The following DLG2 variants were observed in gnomAD, a reference collection of about 807,000 sequenced individuals.
DLG2 encodes discs large MAGUK scaffold protein 2.
Under a neutral mutation model 132.5 loss-of-function variants are expected in DLG2, and 45 were observed. The ratio of observed to expected loss-of-function variants is 0.34; its 90% CI spans 0.27 to 0.44. The LOEUF (loss-of-function observed/expected upper bound fraction) is 0.44, where lower values mean the gene tolerates loss of function less well. DLG2 is among the 20% of genes least tolerant of loss of function. DLG2 has a pLI of 1.00. For missense variants in DLG2, 1,045 were observed against 1,196.9 expected (o/e 0.87, Z 1.87); for synonymous variants, 424 against 419.6 (o/e 1.01, Z -0.13).
In DLG2 at chr11:85,380,038, A is replaced by G. The variant is rs1181691153; in HGVS notation, c.41-94673T>C. Among the ~76,000 whole-genome samples the G allele has an allele frequency of 3.3e-5, 5 of 152,250 alleles. No homozygotes were observed. In the East Asian group the frequency reaches 9.7e-4, roughly 29 times the overall value. On this transcript the variant is annotated intron_variant, in intron 3 of 27. Coordinates refer to ENST00000376104, the MANE Select transcript of DLG2 (RefSeq NM_001142699.3). ...ACAAAATATAAAAGTACTACGTTTG[A>G]TTTTCCACAAAATATTGCCCCCAAG...
At chr11:84,659,242 AT>A (rs72230391) in intron 6 of DLG2, among the ~76,000 whole-genome samples, 3 of 151,838 alleles carry the variant, frequency 2.0e-5, no homozygotes, top group Non-Finnish European at 2.9e-5. Context: ...GGAGCTTTGT[AT>A]TTTTTTTCAA....
chr11:84,674,783 C>T (rs949358549), intron 6 of DLG2, among the ~76,000 whole-genome samples: 1 of 152,120 alleles, frequency 6.6e-6, no homozygotes, highest in African/African-American at 2.4e-5. Flanking sequence ...TATGTACTTA[C>T]TACTTTTGCG....
chr11:84,759,758 T>C (rs2067356212), intron 6 of DLG2, among the ~76,000 whole-genome samples: 1 of 152,184 alleles, frequency 6.6e-6, no homozygotes, highest in South Asian at 2.1e-4. Flanking sequence ...TGTCTTCATA[T>C]GCTACTGGGT....
chr11:84,644,971 C>G (rs765607148), intron 6 of DLG2, among the ~76,000 whole-genome samples: 1 of 152,128 alleles, frequency 6.6e-6, no homozygotes, highest in Non-Finnish European at 1.5e-5. Context: ...ATAGAAAATT[C>G]ATACTGCAGC....
chr11:83,862,734 CAGAG>C (rs964882658), intron 16 of DLG2, among the ~76,000 whole-genome samples: 8 of 152,088 alleles, frequency 5.3e-5, no homozygotes, highest in African/African-American at 1.9e-4. Flanking sequence ...TGTACAACTA[CAGAG>C]AGAGAGAAAG....
chr11:84,848,978 A>T (rs2081855571), intron 6 of DLG2, among the ~76,000 whole-genome samples: 1 of 152,232 alleles, frequency 6.6e-6, no homozygotes, highest in South Asian at 2.1e-4. Context: ...CTATGCCTTA[A>T]GAAGGCCTGA....
At chr11:84,222,263 C>T (rs553008738) in intron 8 of DLG2, among the ~76,000 whole-genome samples, 19 of 152,276 alleles carry the variant, frequency 1.2e-4, no homozygotes, top group Middle Eastern at 3.4e-3. Flanking sequence ...AACTCCTGTC[C>T]TCAGGTGATC....
At chr11:83,841,134 G>A (rs1216335710) in intron 16 of DLG2, among the ~76,000 whole-genome samples, 5 of 152,154 alleles carry the variant, frequency 3.3e-5, no homozygotes, top group African/African-American at 1.2e-4. Context: ...GTGGCCCCCA[G>A]TGAGATCATA....
intron 7 of DLG2, among the ~76,000 whole-genome samples, chr11:84,394,630 CTTTTT>C (rs1174648097): frequency 6.6e-6 from 1 of 151,730 alleles, no homozygotes; most frequent in Non-Finnish European, 1.5e-5. Flanking sequence ...CTTACTTTTT[CTTTTT>C]TTTATTTTAT....
intron 6 of DLG2, among the ~76,000 whole-genome samples, chr11:84,949,407 C>G (rs1227000518): frequency 6.6e-6 from 1 of 152,052 alleles, no homozygotes; most frequent in African/African-American, 2.4e-5. Context: ...ATCAACCAGT[C>G]TGACCAAAAT....
intron 6 of DLG2, among the ~76,000 whole-genome samples, chr11:84,599,066 G>A (rs920300121): frequency 2.0e-5 from 3 of 151,578 alleles, no homozygotes; most frequent in Non-Finnish European, 2.9e-5. Context: ...ACAACATGGT[G>A]AAACCCCATC....
chr11:83,748,931 T>C lies in DLG2; in HGVS notation c.1825+37759A>G, dbSNP rs562871002. 1.4e-3 allele frequency among the ~76,000 whole-genome samples: 206 copies of C among 152,332 alleles called. 3 individuals are homozygous for C. The highest frequency in any genetic ancestry group is 1.0e-4 in the Non-Finnish European group (7 of 68,028). On this transcript the variant is annotated intron_variant, in intron 18 of 27. Transcript: ENST00000376104. ...GAAAGATAATATTTTCCGTACTCTT[T>C]TAAAAGATCAATTTATCTCTAAAAC...
chr11:84,056,884 C>A (rs1417785662), intron 11 of DLG2, among the ~76,000 whole-genome samples: 3 of 152,138 alleles, frequency 2.0e-5, no homozygotes, highest in Non-Finnish European at 4.4e-5. Context: ...CTCAGCATAA[C>A]CGCAACAGGC....
intron 17 of DLG2, among the ~76,000 whole-genome samples, chr11:83,796,921 G>T (rs1485697226): frequency 6.6e-6 from 1 of 152,152 alleles, no homozygotes; most frequent in Non-Finnish European, 1.5e-5. Flanking sequence ...AAAAAAGTCA[G>T]AATTCTGTGG....
intron 6 of DLG2, among the ~76,000 whole-genome samples, chr11:84,861,406 T>A (rs905620145): frequency 6.6e-6 from 1 of 151,968 alleles, no homozygotes; most frequent in Non-Finnish European, 1.5e-5. Context: ...CCTTTCTGAA[T>A]CTTGATTTCC....
chr11:84,802,253 T>C (rs1410117813), intron 6 of DLG2, among the ~76,000 whole-genome samples: 2 of 151,702 alleles, frequency 1.3e-5, no homozygotes, highest in Non-Finnish European at 2.9e-5. Context: ...TAATAGGAAA[T>C]TATGGATAGG....
chr11:84,082,410 T>C (rs2096918030), intron 10 of DLG2, among the ~76,000 whole-genome samples: 2 of 152,168 alleles, frequency 1.3e-5, no homozygotes, highest in African/African-American at 4.8e-5. Flanking sequence ...ATGAGGTACA[T>C]CCATTACTTT....
At chr11:84,047,205 T>C (rs1322093192) in intron 11 of DLG2, among the ~76,000 whole-genome samples, 1 of 151,692 alleles carries the variant, frequency 6.6e-6, no homozygotes, top group African/African-American at 2.4e-5. Context: ...TCTCATTCCT[T>C]TAATTTAGCA....
At chr11:83,929,711 G>A (rs1273472782) in intron 15 of DLG2, among the ~76,000 whole-genome samples, 2 of 152,056 alleles carry the variant, frequency 1.3e-5, no homozygotes, top group Non-Finnish European at 2.9e-5. Flanking sequence ...AATAGGCTGG[G>A]AGCAGTTAAA....
Sources: allele counts gnomAD v4.1 joint callset (sites outside exome capture counted in the v4.1 genomes callset), GRCh38; gene constraint gnomAD v4.1.1; transcripts MANE v1.5; gene names NCBI Gene and HGNC (gene_info 2026-07-23, HGNC 2026-07-21).